SNTG1: variants seen among roughly 807,000 people sequenced by gnomAD.
The protein encoded by SNTG1 is syntrophin gamma 1, also known as gamma-1-syntrophin.
Under a neutral mutation model 74.7 loss-of-function variants are expected in SNTG1, and 39 were observed. That is an observed-to-expected ratio of 0.52 (90% CI 0.40 to 0.68). SNTG1 has a LOEUF of 0.68. SNTG1 is among the 30% of genes least tolerant of loss of function. SNTG1 has a pLI of 0.00. For missense variants in SNTG1, 685 were observed against 609.5 expected (o/e 1.12, Z -1.30); for synonymous variants, 254 against 217.1 (o/e 1.17, Z -1.49).
chr8:50,114,329 A>T (rs745556350), intron 1 of SNTG1, among the ~76,000 whole-genome samples: 4 of 152,206 alleles, frequency 2.6e-5, no homozygotes, highest in Non-Finnish European at 5.9e-5. Flanking sequence ...AATAGTGACA[A>T]ACATGCAATA....
chr8:50,584,185 G>A (rs917075742), intron 12 of SNTG1, among the ~76,000 whole-genome samples: 1 of 152,154 alleles, frequency 6.6e-6, no homozygotes, highest in Admixed American at 6.5e-5. Context: ...ATGGACATTA[G>A]GGTTGGTTCC....
intron 12 of SNTG1, among the ~76,000 whole-genome samples, chr8:50,573,283 A>G (rs755745471): frequency 6.6e-6 from 1 of 152,110 alleles, no homozygotes; most frequent in Non-Finnish European, 1.5e-5. Flanking sequence ...AAGTTAATAA[A>G]CAAAATTCAG....
intron 2 of SNTG1, among the ~76,000 whole-genome samples, chr8:50,370,115 G>A (rs2092233572): frequency 6.6e-6 from 1 of 152,124 alleles, no homozygotes; most frequent in Non-Finnish European, 1.5e-5. Flanking sequence ...AATGAGATTG[G>A]CTGGCAGCTC....
At chr8:49,968,129 A>G (rs756574203) in intron 1 of SNTG1, among the ~76,000 whole-genome samples, 1 of 152,086 alleles carries the variant, frequency 6.6e-6, no homozygotes, top group Non-Finnish European at 1.5e-5. Context: ...GTCAATATAT[A>G]CCATTGGAAG....
chr8:50,049,430 T>G (rs1330884504), intron 1 of SNTG1, among the ~76,000 whole-genome samples: 1 of 152,178 alleles, frequency 6.6e-6, no homozygotes, highest in African/African-American at 2.4e-5. Context: ...CATGGATTGA[T>G]TCATCAGAAG....
rs574885652 is a variant in SNTG1, at chr8:50,753,119, C to A, written c.1395+1008C>A. ...AAATGCCTTGCTAACTTCTTCCACT[C>A]CCTTTATTTTACATGCCTCACAAGT... On this transcript the variant is annotated intron_variant, in intron 18 of 18. Transcript: ENST00000642720. Among the ~76,000 whole-genome samples, 3 of 152,064 alleles carry A rather than the reference C, an allele frequency of 2.0e-5. No homozygotes were observed. In the South Asian group the frequency reaches 6.2e-4, roughly 31 times the overall value.
intron 2 of SNTG1, among the ~76,000 whole-genome samples, chr8:50,318,831 A>G (rs2090415194): frequency 6.6e-6 from 1 of 152,140 alleles, no homozygotes; most frequent in African/African-American, 2.4e-5. Context: ...TCAACCTTCT[A>G]TTTTAATATA....
At chr8:50,292,994 A>G (rs1660247508) in intron 2 of SNTG1, among the ~76,000 whole-genome samples, 1 of 152,068 alleles carries the variant, frequency 6.6e-6, no homozygotes, top group African/African-American at 2.4e-5. Context: ...CTGGCCTTGG[A>G]AGTCAACTAA....
chr8:50,298,799 T>A (rs1225074168), intron 2 of SNTG1, among the ~76,000 whole-genome samples: 1 of 152,180 alleles, frequency 6.6e-6, no homozygotes, highest in Non-Finnish European at 1.5e-5. Context: ...CTGTATACAC[T>A]TCTGTGTTTC....
chr8:50,368,802 C>T (rs964906346), intron 2 of SNTG1, among the ~76,000 whole-genome samples: 8 of 152,154 alleles, frequency 5.3e-5, no homozygotes, highest in African/African-American at 1.7e-4. Flanking sequence ...TGAAATTGCC[C>T]TTGCTAGGTT....
chr8:50,051,498 C>T (rs1027078646), intron 1 of SNTG1, among the ~76,000 whole-genome samples: 1 of 152,026 alleles, frequency 6.6e-6, no homozygotes, highest in Non-Finnish European at 1.5e-5. Context: ...TATTAAAGTG[C>T]CACAAATGAG....
In SNTG1 at chr8:50,207,865, G is replaced by T. The variant is rs2084322230; in HGVS notation, c.-28+35230G>T. Among the ~76,000 whole-genome samples, 4 of 152,130 alleles carry T rather than the reference G, an allele frequency of 2.6e-5. No individual in the cohort carries two copies. In the South Asian group the frequency reaches 8.3e-4, roughly 32 times the overall value. ...GAGCAGGTTATTCAGTTTCCATGTA[G>T]TTGAGAAATTTTGAGTGAGTTTCTT... On this transcript the variant is annotated intron_variant, in intron 2 of 18. Coordinates refer to ENST00000642720, the MANE Select transcript of SNTG1 (RefSeq NM_018967.5).
chr8:50,031,876 ATG>A (rs1817769058), intron 1 of SNTG1, among the ~76,000 whole-genome samples: 1 of 152,120 alleles, frequency 6.6e-6, no homozygotes, highest in Non-Finnish European at 1.5e-5. Flanking sequence ...CTAGAAAAGA[ATG>A]TGTAGAATTT....
intron 10 of SNTG1, 87 bp downstream of exon 10, chr8:50,530,346 A>G (rs2094256843): frequency 1.9e-5 from 23 of 1,221,582 alleles, no homozygotes; most frequent in Non-Finnish European, 2.1e-5. Flanking sequence ...TATCTGACAG[A>G]TAGGAAATCC....
At chr8:50,349,726 C>G (rs540873971) in intron 2 of SNTG1, among the ~76,000 whole-genome samples, 4 of 152,304 alleles carry the variant, frequency 2.6e-5, no homozygotes, top group African/African-American at 9.6e-5. Context: ...TGCCATGTTC[C>G]CTTGTCCCCT....
chr8:50,115,224 T>G (rs1014873903), intron 1 of SNTG1, among the ~76,000 whole-genome samples: 1 of 152,134 alleles, frequency 6.6e-6, no homozygotes, highest in Non-Finnish European at 1.5e-5. Flanking sequence ...CTGGAGAGAA[T>G]GGTGATTAAA....
intron 2 of SNTG1, among the ~76,000 whole-genome samples, chr8:50,260,325 C>T (rs978524625): frequency 2.0e-5 from 3 of 152,180 alleles, no homozygotes; most frequent in Non-Finnish European, 4.4e-5. Flanking sequence ...TGTAGCATTT[C>T]TGTCTCACCA....
chr8:50,391,811 G>T (rs1046090195), intron 2 of SNTG1, among the ~76,000 whole-genome samples: 3 of 152,056 alleles, frequency 2.0e-5, no homozygotes, highest in Non-Finnish European at 4.4e-5. Context: ...GTGTGTATGT[G>T]TTGAGTAAAA....
At position 50,772,839 on chromosome 8, in the gene SNTG1, A is replaced by C. The variant is rs551664121; in HGVS notation, c.1396-19832A>C. 7.4e-4 allele frequency among the ~76,000 whole-genome samples: 113 copies of C among 152,092 alleles called. 1 individual carries two copies. Among genetic ancestry groups the C allele is most frequent in the Admixed American group, 3.3e-3 (50 of 15,276 alleles). The stretch of plus-strand genomic sequence containing the variant: ...GATCTTACTCTTGTGGAAATGCATT[A>C]TTTCCCACAGGAGTGGTTTGTTAAA... On this transcript the variant is annotated intron_variant, in intron 18 of 18. Transcript: ENST00000642720.
Sources: allele counts gnomAD v4.1 joint callset (sites outside exome capture counted in the v4.1 genomes callset), GRCh38; gene constraint gnomAD v4.1.1; transcripts MANE v1.5; gene names NCBI Gene and HGNC (gene_info 2026-07-23, HGNC 2026-07-21).